KCNAB1: variants seen among roughly 807,000 people sequenced by gnomAD.
The protein encoded by KCNAB1 is potassium voltage-gated channel subfamily A regulatory beta subunit 1.
KCNAB1 carries 35 observed loss-of-function variants against 64.6 expected under a neutral mutation model. That is an observed-to-expected ratio of 0.54 (90% CI 0.41 to 0.72). The LOEUF (loss-of-function observed/expected upper bound fraction) is 0.72. Among genes scored for constraint, KCNAB1 ranks in the 30% least tolerant of loss-of-function variants. The pLI, the probability that KCNAB1 is intolerant of heterozygous loss-of-function variation, is 0.00. For missense variants in KCNAB1, 401 were observed against 512.9 expected (o/e 0.78, Z 2.11); for synonymous variants, 177 against 183.8 (o/e 0.96, Z 0.30).
intron 1 of KCNAB1, among the ~76,000 whole-genome samples, chr3:156,229,606 G>A (rs896621193): frequency 2.6e-5 from 4 of 152,190 alleles, no homozygotes; most frequent in Non-Finnish European, 5.9e-5. Context: ...ATGATATAGA[G>A]TCATTTCCTA....
At chr3:156,319,565 G>A (rs959026638) in intron 1 of KCNAB1, among the ~76,000 whole-genome samples, 3 of 152,152 alleles carry the variant, frequency 2.0e-5, no homozygotes, top group Admixed American at 2.0e-4. Flanking sequence ...GGGAATGCAG[G>A]GGGCCAGAAA....
chr3:156,465,932 A>G (rs1352383877), intron 7 of KCNAB1, among the ~76,000 whole-genome samples: 2 of 152,196 alleles, frequency 1.3e-5, no homozygotes, highest in African/African-American at 4.8e-5. Context: ...ACTAATATTA[A>G]TAAAACATTC....
Position 156,452,051 on chromosome 3 carries a change from G to A in KCNAB1, c.320-848G>A, listed in dbSNP as rs1449066930. On this transcript the variant is annotated intron_variant, in intron 2 of 13. Coordinates refer to ENST00000490337, the MANE Select transcript of KCNAB1 (RefSeq NM_172160.3). The surrounding 1 kb of genome is among the most constrained non-coding windows in gnomAD (Gnocchi z 4.6). ...CCAATCATCTCACTGTCCCTTACAC[G>A]TGAGTGCAATGCTTTTATGTGGCAT... Among the ~76,000 whole-genome samples the A allele has an allele frequency of 3.3e-5, 5 of 152,124 alleles. No individual in the cohort carries two copies. The highest frequency in any genetic ancestry group is 4.2e-4 in the South Asian group (2 of 4,818).
chr3:156,277,713 C>T (rs1254477368), intron 1 of KCNAB1, among the ~76,000 whole-genome samples: 1 of 152,188 alleles, frequency 6.6e-6, no homozygotes, highest in Non-Finnish European at 1.5e-5. Flanking sequence ...CACAGGACTG[C>T]AGATATCTCT....
At chr3:156,289,193 T>C (rs62287664) in intron 1 of KCNAB1, among the ~76,000 whole-genome samples, 13,562 of 152,192 alleles carry the variant, frequency 0.089, 1,090 homozygotes, top group South Asian at 0.22. Context: ...CTTCCCTACC[T>C]TCAAGATCTT....
chr3:156,282,436 T>G (rs1719784467), intron 1 of KCNAB1, among the ~76,000 whole-genome samples: 1 of 149,580 alleles, frequency 6.7e-6, no homozygotes, highest in South Asian at 2.2e-4. Context: ...AAAAAATGTA[T>G]ATTCTGTTGA....
chr3:156,393,452 T>C (rs553565139), intron 1 of KCNAB1, among the ~76,000 whole-genome samples: 16 of 152,176 alleles, frequency 1.1e-4, no homozygotes, highest in Non-Finnish European at 2.2e-4. Flanking sequence ...GTCTCACTTC[T>C]TCTGTATACC....
chr3:156,162,778 C>G (rs1487662711), intron 1 of KCNAB1, among the ~76,000 whole-genome samples: 1 of 152,082 alleles, frequency 6.6e-6, no homozygotes, highest in African/African-American at 2.4e-5. Context: ...ATCTGCCCAC[C>G]CTGCTGGCTC....
chr3:156,341,801 T>C (rs1472381842), intron 1 of KCNAB1, among the ~76,000 whole-genome samples: 1 of 152,188 alleles, frequency 6.6e-6, no homozygotes, highest in Non-Finnish European at 1.5e-5. Flanking sequence ...CACAAAATAA[T>C]AATTATCTTT....
At chr3:156,228,497 A>G (rs549582996) in intron 1 of KCNAB1, among the ~76,000 whole-genome samples, 2 of 152,268 alleles carry the variant, frequency 1.3e-5, no homozygotes, top group African/African-American at 4.8e-5. Flanking sequence ...GCCTTCACAC[A>G]GCGTCTGCTG....
intron 1 of KCNAB1, among the ~76,000 whole-genome samples, chr3:156,347,163 G>GA (rs1724534138): frequency 6.6e-6 from 1 of 152,092 alleles, no homozygotes; most frequent in Admixed American, 6.5e-5. Flanking sequence ...AAAGGAAAAG[G>GA]AAAAAATGTT....
At chr3:156,284,900 G>C (rs1720004255) in intron 1 of KCNAB1, among the ~76,000 whole-genome samples, 1 of 152,210 alleles carries the variant, frequency 6.6e-6, no homozygotes, top group Non-Finnish European at 1.5e-5. Context: ...CGGTACCTCA[G>C]ATGGAAATGC....
At chr3:156,404,645 G>C (rs1714128457) in intron 1 of KCNAB1, among the ~76,000 whole-genome samples, 1 of 152,166 alleles carries the variant, frequency 6.6e-6, no homozygotes, top group African/African-American at 2.4e-5. Context: ...GAAGACACCA[G>C]GGCTTGGGGA....
chr3:156,299,452 A>G (rs1721010856), intron 1 of KCNAB1, among the ~76,000 whole-genome samples: 1 of 152,246 alleles, frequency 6.6e-6, no homozygotes, highest in South Asian at 2.1e-4. Context: ...CATGCTTAGC[A>G]TCACAGTGTC....
intron 1 of KCNAB1, among the ~76,000 whole-genome samples, chr3:156,334,209 A>T: frequency 6.6e-6 from 1 of 152,326 alleles, no homozygotes; most frequent in East Asian, 1.9e-4. Context: ...TTTTAAAGGA[A>T]AAAGAACATT....
In KCNAB1 at chr3:156,358,842, G is replaced by T. The variant is rs552983074; in HGVS notation, c.276-62774G>T. On this transcript the variant is annotated intron_variant, in intron 1 of 13. Transcript: ENST00000490337. ...TGGTATTTAAAACATCTAGAAGCAT[G>T]TCTGATGAATGGAAAGCTCTCAAGA... Among the ~76,000 whole-genome samples, 4 of 152,222 alleles carry T rather than the reference G, an allele frequency of 2.6e-5. No individual in the cohort carries two copies. The East Asian group carries it at 7.7e-4, about 29-fold the overall frequency.
In KCNAB1 at chr3:156,478,977, A is replaced by T. The variant is rs538594612; in HGVS notation, c.658+4157A>T. Among the ~76,000 whole-genome samples the T allele has an allele frequency of 1.3e-3, 197 of 152,292 alleles. 2 individuals carry two copies. The highest frequency in any genetic ancestry group is 3.4e-3 in the Middle Eastern group (1 of 294). On this transcript the variant is annotated intron_variant, in intron 8 of 13. Coordinates refer to ENST00000490337, the MANE Select transcript of KCNAB1 (RefSeq NM_172160.3). Reference sequence around the variant, plus strand: ...ATCTGCAACCCCATGGAATACAGTTAGACATTTTCAGGCTATGGGAAGATG... The same window carrying T: ...ATCTGCAACCCCATGGAATACAGTTTGACATTTTCAGGCTATGGGAAGATG...
At chr3:156,225,100 AG>A (rs1159897053) in intron 1 of KCNAB1, among the ~76,000 whole-genome samples, 1 of 152,192 alleles carries the variant, frequency 6.6e-6, no homozygotes, top group Admixed American at 6.5e-5. Flanking sequence ...TACCAAAACC[AG>A]GGAAAGACAT....
intron 1 of KCNAB1, among the ~76,000 whole-genome samples, chr3:156,389,228 GC>G (rs982381163): frequency 6.6e-6 from 1 of 152,166 alleles, no homozygotes; most frequent in Non-Finnish European, 1.5e-5. Flanking sequence ...AATGCAGCCA[GC>G]CCAGGCCAGT....
Sources: gnomAD v4.1 joint callset for allele counts (sites outside exome capture counted in the v4.1 genomes callset) on GRCh38, gnomAD v4.1.1 for gene constraint, Gnocchi (gnomAD v3.1) non-coding constraint, MANE v1.5 for transcripts, NCBI Gene and HGNC (gene_info 2026-07-23, HGNC 2026-07-21) for gene names.